The following ACOT7 variants were observed in gnomAD, a reference collection of about 807,000 sequenced individuals.
ACOT7 encodes cytosolic acyl coenzyme A thioester hydrolase.
A neutral mutation model predicts 40.2 loss-of-function variants in ACOT7; 12 were observed. The observed-to-expected ratio is 0.30, with a 90% CI of 0.19 to 0.48. The LOEUF (loss-of-function observed/expected upper bound fraction) is 0.48, where lower values mean the gene tolerates loss of function less well. ACOT7 is among the 20% of genes least tolerant of loss of function. The probability of loss-of-function intolerance (pLI) is 0.99; values close to 1 mark genes in which losing one functional copy is unlikely to be tolerated. For synonymous variants in ACOT7, 228 were observed against 219.5 expected (o/e 1.04, Z -0.34); for missense variants, 395 against 530.8 (o/e 0.74, Z 2.51).
intron 3 of ACOT7, among the ~76,000 whole-genome samples, chr1:6,339,101 C>T (rs1015316090): frequency 2.0e-5 from 3 of 152,158 alleles, no homozygotes; most frequent in Non-Finnish European, 4.4e-5. Flanking sequence ...TGGTGCGTAC[C>T]GGCCTCACAG....
At chr1:6,333,629 C>A in intron 3 of ACOT7, 61 bp from the exon 4 acceptor site, 1 of 1,549,544 alleles carries the variant, frequency 6.5e-7, no homozygotes, top group Non-Finnish European at 8.9e-7. Context: ...TGTGAGCGTC[C>A]AGGCACGTGG....
At chr1:6,351,012 C>T (rs1036970550) in intron 1 of ACOT7, among the ~76,000 whole-genome samples, 7 of 152,236 alleles carry the variant, frequency 4.6e-5, no homozygotes, top group Non-Finnish European at 7.3e-5. Flanking sequence ...ACATGGTACA[C>T]AGTAGATAGT....
chr1:6,338,748 G>T lies in ACOT7; in HGVS notation c.418+685C>A. ...CCAGCCTCTCTGCATGGGAGGACTGGTGACCTGGGAGGTGGCAGGGAGAGG... is the reference window on the plus strand; with the variant it reads ...CCAGCCTCTCTGCATGGGAGGACTGTTGACCTGGGAGGTGGCAGGGAGAGG... On this transcript the variant is annotated intron_variant, in intron 3 of 8. Coordinates refer to ENST00000361521, the MANE Select transcript of ACOT7 (RefSeq NM_007274.4). This position sits in a 1 kb window ranked among gnomAD's most constrained non-coding sequence, Gnocchi z 4.4. Among the ~76,000 whole-genome samples the T allele has an allele frequency of 6.6e-6, 1 of 152,136 alleles. No homozygotes were observed. Among genetic ancestry groups the T allele is most frequent in the Admixed American group, 6.5e-5 (1 of 15,276 alleles).
At chr1:6,372,814 T>C (rs1043116021) in intron 1 of ACOT7, among the ~76,000 whole-genome samples, 2 of 152,122 alleles carry the variant, frequency 1.3e-5, no homozygotes, top group Non-Finnish European at 2.9e-5. Flanking sequence ...CCTCCCAAAG[T>C]GCTGGAATTA....
intron 6 of ACOT7, among the ~76,000 whole-genome samples, chr1:6,298,959 A>G (rs904211624): frequency 2.0e-5 from 3 of 152,216 alleles, no homozygotes; most frequent in Non-Finnish European, 4.4e-5. Context: ...CCCCTACCAC[A>G]GTGTGGTTCA....
intron 1 of ACOT7, among the ~76,000 whole-genome samples, chr1:6,384,541 C>T (rs1324122822): frequency 6.6e-6 from 1 of 151,856 alleles, no homozygotes; most frequent in Non-Finnish European, 1.5e-5. Flanking sequence ...TAATAACAAA[C>T]ATGGGTGTCT....
intron 7 of ACOT7, 35 bp from the exon 8 acceptor site, chr1:6,281,321 TC>T (rs757492849): frequency 6.3e-7 from 1 of 1,587,532 alleles, no homozygotes; most frequent in Non-Finnish European, 8.5e-7. Flanking sequence ...CAGGGCGGCC[TC>T]CACCCCACGG....
At chr1:6,389,633 A>T (rs990617888) in intron 1 of ACOT7, among the ~76,000 whole-genome samples, 2 of 151,950 alleles carry the variant, frequency 1.3e-5, no homozygotes, top group African/African-American at 4.8e-5. Context: ...AATACAAAAA[A>T]ATTAGCTGGG....
rs183225801 is a variant in ACOT7 at position 6,358,768 on chromosome 1, A to G, written c.144-8902T>C. 794 of 1,561,674 alleles carry G rather than the reference A, an allele frequency of 5.1e-4. 1 individual carries two copies. The African/African-American group carries it at 9.5e-3, about 19-fold the overall frequency. ...CCACCCTTCCCTTCCAAATGTCCCTAAACAATCCACCCACAGTGGCCCCTG... is the reference window on the plus strand; with the variant it reads ...CCACCCTTCCCTTCCAAATGTCCCTGAACAATCCACCCACAGTGGCCCCTG... On this transcript the variant is annotated intron_variant, in intron 1 of 8. Transcript: ENST00000361521. This position sits in a 1 kb window ranked among gnomAD's most constrained non-coding sequence, Gnocchi z 4.1.
At chr1:6,266,724 T>C (rs918931401) in intron 8 of ACOT7, among the ~76,000 whole-genome samples, 18 of 152,390 alleles carry the variant, frequency 1.2e-4, no homozygotes, top group African/African-American at 4.1e-4. Context: ...CTGCAGCTTC[T>C]TGTCTGCCTG....
At chr1:6,323,734 AAAAATATATATATAT>A (rs1235100092) in intron 5 of ACOT7, among the ~76,000 whole-genome samples, 1,481 of 81,214 alleles carry the variant, frequency 0.018, 3 homozygotes, top group Non-Finnish European at 0.023. Flanking sequence ...AAAAAAAAAA[AAAAATATATATATAT>A]ATATATATAT....
intron 8 of ACOT7, among the ~76,000 whole-genome samples, chr1:6,270,014 G>A (rs1638981510): frequency 1.3e-5 from 2 of 152,248 alleles, no homozygotes; most frequent in Non-Finnish European, 2.9e-5. Flanking sequence ...CACCCAGGGG[G>A]AGGTGGAACA....
intron 1 of ACOT7, chr1:6,360,607 C>T: frequency 6.2e-7 from 1 of 1,614,238 alleles, no homozygotes; most frequent in Non-Finnish European, 8.5e-7. Context: ...CTGTCGACTT[C>T]CTTTCTGAGG....
At chr1:6,384,095 AT>A (rs1365250821) in intron 1 of ACOT7, among the ~76,000 whole-genome samples, 2 of 151,860 alleles carry the variant, frequency 1.3e-5, no homozygotes, top group African/African-American at 4.8e-5. Flanking sequence ...AATTTTCTTA[AT>A]TAAAAAATTT....
rs61329489 is a variant in ACOT7 at position 6,282,520 on chromosome 1, C to G, written c.830-1234G>C. On this transcript the variant is annotated intron_variant, in intron 7 of 8. Transcript: ENST00000361521. The surrounding 1 kb of genome is among the most constrained non-coding windows in gnomAD (Gnocchi z 4.5). The stretch of plus-strand genomic sequence containing the variant: ...GCTCCCCAGGAAATATATCTGGCTT[C>G]GGGGACTTTTTAATGTGGCCTCTGG... 6.6e-6 allele frequency among the ~76,000 whole-genome samples: 1 copy of G among 152,126 alleles called. No homozygotes were observed. Among genetic ancestry groups the G allele is most frequent in the African/African-American group, 2.4e-5 (1 of 41,428 alleles).
intron 6 of ACOT7, among the ~76,000 whole-genome samples, chr1:6,305,007 G>T (rs1228567060): frequency 6.7e-6 from 1 of 150,226 alleles, no homozygotes; most frequent in Non-Finnish European, 1.5e-5. Context: ...GGACGGGGCG[G>T]CTGGCCGGGC....
Position 6,385,524 on chromosome 1 carries a change from A to C in ACOT7, c.143+7733T>G. 3 of 1,611,998 alleles carry C rather than the reference A, an allele frequency of 1.9e-6. No individual in the cohort carries two copies. The East Asian group carries it at 6.7e-5, about 36-fold the overall frequency. On this transcript the variant is annotated intron_variant, in intron 1 of 8. Transcript: ENST00000361521. Reference sequence around the variant, plus strand: ...AGTAATGCAGGCTCCACAGGGTGGGAGATCAGCCCTGGGCCCAACCACCTG... The same window carrying C: ...AGTAATGCAGGCTCCACAGGGTGGGCGATCAGCCCTGGGCCCAACCACCTG...
intron 8 of ACOT7, among the ~76,000 whole-genome samples, chr1:6,270,323 G>A (rs773917242): frequency 1.6e-4 from 24 of 152,222 alleles, no homozygotes; most frequent in Admixed American, 6.5e-4. Flanking sequence ...GGTGGAGGAC[G>A]AAAGAACGCT....
In ACOT7 at chr1:6,307,301, G is replaced by C. The variant is rs538578120; in HGVS notation, c.712+11191C>G. On this transcript the variant is annotated intron_variant, in intron 6 of 8. Coordinates refer to ENST00000361521, the MANE Select transcript of ACOT7 (RefSeq NM_007274.4). ...ATCCTCTGGGTGGGGCTGACTGCGC[G>C]GCACCAGCACAGTCCGCAGTCCTTC... Among the ~76,000 whole-genome samples, 51 of 152,326 alleles carry C rather than the reference G, an allele frequency of 3.3e-4. No homozygotes were observed. In the South Asian group the frequency reaches 9.9e-3, roughly 30 times the overall value.
Sources: allele counts gnomAD v4.1 joint callset (sites outside exome capture counted in the v4.1 genomes callset), GRCh38; gene constraint gnomAD v4.1.1; non-coding constraint Gnocchi (gnomAD v3.1); transcripts MANE v1.5; gene names NCBI Gene and HGNC (gene_info 2026-07-23, HGNC 2026-07-21).